ZNF804B: variants seen among roughly 807,000 people sequenced by gnomAD.
ZNF804B encodes the protein zinc finger protein 804B.
In ZNF804B, 80 loss-of-function variants were observed where a neutral mutation model predicts 101.4. The observed-to-expected ratio is 0.79, with a 90% confidence interval of 0.66 to 0.95. The LOEUF (loss-of-function observed/expected upper bound fraction) is 0.95. Ranked by LOEUF, ZNF804B falls within the 40% of genes least tolerant of loss-of-function variation. The pLI is 0.00. For synonymous variants in ZNF804B, 622 were observed against 558.8 expected (o/e 1.11, Z -1.59); for missense variants, 1,673 against 1,561.9 (o/e 1.07, Z -1.20).
chr7:89,323,709 C>T (rs1790854897), intron 2 of ZNF804B, among the ~76,000 whole-genome samples: 1 of 152,108 alleles, frequency 6.6e-6, no homozygotes, highest in Non-Finnish European at 1.5e-5. Context: ...AGCAGATTCA[C>T]TCTTTACCAC....
chr7:88,806,779 G>A (rs1450135558), intron 1 of ZNF804B, among the ~76,000 whole-genome samples: 1 of 152,042 alleles, frequency 6.6e-6, no homozygotes, highest in Non-Finnish European at 1.5e-5. Flanking sequence ...AGGCTCACAG[G>A]GTCCAGGGAG....
chr7:89,100,893 A>G (rs1026568475), intron 1 of ZNF804B, among the ~76,000 whole-genome samples: 1 of 152,070 alleles, frequency 6.6e-6, no homozygotes, highest in African/African-American at 2.4e-5. Context: ...AAAAGAAACC[A>G]TAATATAAAA....
chr7:88,760,612 G>A (rs1402429433), intron 1 of ZNF804B, among the ~76,000 whole-genome samples: 1 of 152,096 alleles, frequency 6.6e-6, no homozygotes, highest in Non-Finnish European at 1.5e-5. Flanking sequence ...TTAAGGGGAA[G>A]TAAGAGAATT....
chr7:89,144,439 G>T (rs1020386707), intron 1 of ZNF804B, among the ~76,000 whole-genome samples: 3 of 151,970 alleles, frequency 2.0e-5, no homozygotes, highest in Middle Eastern at 3.4e-3. Flanking sequence ...AAGACTATTA[G>T]CCAGGCATAG....
intron 1 of ZNF804B, among the ~76,000 whole-genome samples, chr7:88,960,505 A>G (rs192855392): frequency 6.6e-6 from 1 of 151,226 alleles, no homozygotes; most frequent in Non-Finnish European, 1.5e-5. Flanking sequence ...AGAAGGTACA[A>G]AGGAGAAACG....
intron 1 of ZNF804B, among the ~76,000 whole-genome samples, chr7:88,999,516 A>AT (rs1788253424): frequency 6.6e-6 from 1 of 151,956 alleles, no homozygotes. Flanking sequence ...CTACTCTGTC[A>AT]TTTTTCCTCC....
At chr7:89,322,386 G>A (rs1790834492) in intron 2 of ZNF804B, among the ~76,000 whole-genome samples, 1 of 152,098 alleles carries the variant, frequency 6.6e-6, no homozygotes, top group Non-Finnish European at 1.5e-5. Context: ...TGCAGAATAT[G>A]TTCTCTGACC....
intron 1 of ZNF804B, among the ~76,000 whole-genome samples, chr7:89,097,321 G>A (rs1009205120): frequency 6.6e-6 from 1 of 152,150 alleles, no homozygotes; most frequent in African/African-American, 2.4e-5. Flanking sequence ...CAGTGTGGAT[G>A]TTTGTAATAT....
chr7:88,840,140 G>C (rs1791274507), intron 1 of ZNF804B, among the ~76,000 whole-genome samples: 1 of 152,116 alleles, frequency 6.6e-6, no homozygotes, highest in Non-Finnish European at 1.5e-5. Flanking sequence ...CCACTGACCA[G>C]AACAAAGTTC....
At chr7:89,295,177 C>T (rs568120198) in intron 2 of ZNF804B, among the ~76,000 whole-genome samples, 9 of 152,212 alleles carry the variant, frequency 5.9e-5, no homozygotes, top group African/African-American at 2.2e-4. Context: ...TTTATTTTGA[C>T]AGTGAGGGTT....
At chr7:89,249,606 T>C (rs1303760624) in intron 2 of ZNF804B, among the ~76,000 whole-genome samples, 1 of 151,952 alleles carries the variant, frequency 6.6e-6, no homozygotes, top group African/African-American at 2.4e-5. Flanking sequence ...AGATACAATA[T>C]ACTAAAAATC....
chr7:88,822,985 T>C (rs922862814), intron 1 of ZNF804B, among the ~76,000 whole-genome samples: 2 of 151,756 alleles, frequency 1.3e-5, no homozygotes, highest in African/African-American at 4.8e-5. Flanking sequence ...CTGAGGCGGG[T>C]GTACCACAAG....
At chr7:88,928,643 A>G (rs2116013998) in intron 1 of ZNF804B, among the ~76,000 whole-genome samples, 1 of 152,252 alleles carries the variant, frequency 6.6e-6, no homozygotes, top group Middle Eastern at 3.4e-3. Flanking sequence ...GAACAAGGTA[A>G]TTTCTGAAGT....
At chr7:89,134,308 T>G (rs1790597829) in intron 1 of ZNF804B, among the ~76,000 whole-genome samples, 1 of 152,016 alleles carries the variant, frequency 6.6e-6, no homozygotes, top group African/African-American at 2.4e-5. Flanking sequence ...AGAAAAAAAT[T>G]AGGAGACTTG....
intron 1 of ZNF804B, among the ~76,000 whole-genome samples, chr7:88,983,192 GA>G (rs1237331430): frequency 6.6e-6 from 1 of 152,054 alleles, no homozygotes; most frequent in Admixed American, 6.6e-5. Flanking sequence ...TGCTAGCAAT[GA>G]AGACTCTCAG....
chr7:89,018,350 C>G lies in ZNF804B; in HGVS notation c.109-199805C>G, dbSNP rs1235246319. The stretch of plus-strand genomic sequence containing the variant: ...CATATCTTGTACCATTTTTGTGTTC[C>G]TTGAGTAAATCTCACTAGATCATGG... On this transcript the variant is annotated intron_variant, in intron 1 of 3. Coordinates refer to ENST00000333190, the MANE Select transcript of ZNF804B (RefSeq NM_181646.5). Among the ~76,000 whole-genome samples the G allele has an allele frequency of 7.9e-5, 12 of 151,944 alleles. No homozygotes were observed. In the East Asian group the frequency reaches 2.1e-3, roughly 27 times the overall value.
At chr7:88,773,796 C>T (rs1586896922) in intron 1 of ZNF804B, among the ~76,000 whole-genome samples, 1 of 151,528 alleles carries the variant, frequency 6.6e-6, no homozygotes, top group East Asian at 2.0e-4. Flanking sequence ...AGAACAGGGG[C>T]AAGAAAGGGG....
intron 1 of ZNF804B, among the ~76,000 whole-genome samples, chr7:89,107,836 C>T (rs961355942): frequency 2.0e-5 from 3 of 152,122 alleles, no homozygotes; most frequent in Non-Finnish European, 2.9e-5. Flanking sequence ...TATTACTAAG[C>T]GGCATGGGGG....
At chr7:89,043,363 A>T (rs527514070) in intron 1 of ZNF804B, among the ~76,000 whole-genome samples, 26 of 152,368 alleles carry the variant, frequency 1.7e-4, no homozygotes, top group African/African-American at 6.3e-4. Flanking sequence ...TAAACACAGT[A>T]GTCTTTGTAT....
Sources: allele counts gnomAD v4.1 joint callset (sites outside exome capture counted in the v4.1 genomes callset), GRCh38; gene constraint gnomAD v4.1.1; transcripts MANE v1.5; gene names NCBI Gene and HGNC (gene_info 2026-07-23, HGNC 2026-07-21).